RERE: variants seen among roughly 807,000 people sequenced by gnomAD.
RERE encodes the protein arginine-glutamic acid dipeptide repeats protein.
RERE carries 40 observed loss-of-function variants against 146.1 expected under a neutral mutation model. The observed-to-expected ratio is 0.27, with a 90% CI of 0.21 to 0.36. The LOEUF is 0.36. RERE is among the 10% of genes least tolerant of loss of function. RERE has a pLI of 1.00. For missense variants in RERE, 1,933 were observed against 2,138.7 expected (o/e 0.90, Z 1.90); for synonymous variants, 1,003 against 866.0 (o/e 1.16, Z -2.78).
chr1:8,678,062 A>G (rs1191299224), intron 1 of RERE, among the ~76,000 whole-genome samples: 1 of 152,208 alleles, frequency 6.6e-6, no homozygotes, highest in Non-Finnish European at 1.5e-5. Context: ...GCCCTCCGGA[A>G]GCCTGGTTTC....
At chr1:8,683,031 C>CAAAAAAAAAAAAAAAAAA (rs71580039) in intron 1 of RERE, among the ~76,000 whole-genome samples, 1 of 65,726 alleles carries the variant, frequency 1.5e-5, no homozygotes, top group Non-Finnish European at 2.6e-5. Flanking sequence ...CTGTCTTTAC[C>CAAAAAAAAAAAAAAAAAA]AAAAAAAAAA....
In RERE at chr1:8,634,645, C is replaced by T. The variant is rs564682944; in HGVS notation, c.326-10265G>A. Among the ~76,000 whole-genome samples, 24 of 152,320 alleles carry T rather than the reference C, an allele frequency of 1.6e-4. No homozygotes were observed. The South Asian group carries it at 3.7e-3, about 24-fold the overall frequency. On this transcript the variant is annotated intron_variant, in intron 2 of 22. Coordinates refer to ENST00000400908, the MANE Select transcript of RERE (RefSeq NM_001042681.2). The stretch of plus-strand genomic sequence containing the variant: ...CTACCCATACCTACTCCTTCTCTCC[C>T]TTAAATCGTTGTTGTTTTCATTCGG...
intron 3 of RERE, among the ~76,000 whole-genome samples, chr1:8,622,534 A>G (rs1281561362): frequency 6.6e-6 from 1 of 151,532 alleles, no homozygotes; most frequent in African/African-American, 2.4e-5. Flanking sequence ...GGAAAGATAT[A>G]ATAAGTAGCA....
Position 8,358,872 on chromosome 1 carries a change from CTGTGGGTCACTGAGG to C in RERE, c.3648_3662del (p.Asp1219_Ser1223del). On this transcript the variant is annotated inframe_deletion, in exon 20 of 23. Coordinates refer to ENST00000400908, the MANE Select transcript of RERE (RefSeq NM_001042681.2). ...GCCGCATGTGGCCAGGACCACTGAG[CTGTGGGTCACTGAGG>C]CGACCTTCATGCGCTGAGCTGGACG... 1.3e-6 allele frequency: 2 copies of C among 1,573,886 alleles called. No individual in the cohort carries two copies. Among genetic ancestry groups the C allele is most frequent in the Non-Finnish European group, 1.7e-6 (2 of 1,158,390 alleles).
rs2124614863 is a variant in RERE, at chr1:8,817,207, G to C, written c.-192C>G. The stretch of plus-strand genomic sequence containing the variant: ...TCAATAGTGAGGTGTTCGCGGCCCA[G>C]CTCCGGGGAAAGTGGCGGGGATGGG... On this transcript the variant is annotated 5_prime_UTR_variant, in exon 1 of 23. Coordinates refer to ENST00000400908, the MANE Select transcript of RERE (RefSeq NM_001042681.2). 1 of 152,468 alleles carries C rather than the reference G, an allele frequency of 6.6e-6. No individual in the cohort carries two copies. Among genetic ancestry groups the C allele is most frequent in the Admixed American group, 6.5e-5 (1 of 15,290 alleles). The allele number at this position is 152,468 out of a possible 1,614,324, so 9.4% of individuals were successfully genotyped here. A position where few individuals can be genotyped will look rare whatever the true frequency, so the allele number is the denominator to read the frequency against.
chr1:8,693,411 A>G (rs1284317677), intron 1 of RERE, among the ~76,000 whole-genome samples: 1 of 152,254 alleles, frequency 6.6e-6, no homozygotes, highest in Admixed American at 6.5e-5. Flanking sequence ...ATTATCAGTG[A>G]TAAAAAGTAG....
chr1:8,743,803 G>A (rs1358096126), intron 1 of RERE, among the ~76,000 whole-genome samples: 1 of 151,926 alleles, frequency 6.6e-6, no homozygotes, highest in African/African-American at 2.4e-5. Flanking sequence ...GGCCCACCAT[G>A]ACCACTTACT....
chr1:8,453,651 C>G (rs1330594423), intron 11 of RERE, among the ~76,000 whole-genome samples: 1 of 152,050 alleles, frequency 6.6e-6, no homozygotes, highest in Non-Finnish European at 1.5e-5. Context: ...ACTAAAAATA[C>G]AAAAATTAGC....
intron 12 of RERE, among the ~76,000 whole-genome samples, chr1:8,400,837 CAAAAA>C (rs147651647): frequency 2.4e-4 from 14 of 58,638 alleles, no homozygotes; most frequent in African/African-American, 6.9e-4. Flanking sequence ...AACACCATCT[CAAAAA>C]AAAAAAAAAA....
At chr1:8,511,081 C>T (rs190597924) in intron 7 of RERE, among the ~76,000 whole-genome samples, 1 of 152,116 alleles carries the variant, frequency 6.6e-6, no homozygotes, top group East Asian at 1.9e-4. Context: ...TTTAATAAGC[C>T]AATTTATCAT....
In RERE at chr1:8,366,327, G is replaced by A. The variant is rs555647205; in HGVS notation, c.1285-353C>T. The stretch of plus-strand genomic sequence containing the variant: ...AAAAGGAGAGAAGATTCCTGCCCAC[G>A]AGGAGCTTACATTCTAGCTGTGTGT... On this transcript the variant is annotated intron_variant, in intron 12 of 22. Coordinates refer to ENST00000400908, the MANE Select transcript of RERE (RefSeq NM_001042681.2). Among the ~76,000 whole-genome samples the A allele has an allele frequency of 6.6e-4, 100 of 152,368 alleles. 1 individual carries two copies. The South Asian group carries it at 0.019, about 29-fold the overall frequency.
chr1:8,468,900 TA>T lies in RERE; in HGVS notation c.1105-2878del, dbSNP rs528265802. Among the ~76,000 whole-genome samples, 557 of 125,328 alleles carry T rather than the reference TA, an allele frequency of 4.4e-3. 2 individuals are homozygous for T. Among genetic ancestry groups the T allele is most frequent in the African/African-American group, 0.012 (437 of 34,980 alleles). 82.2% of individuals were successfully genotyped at this position (125,328 alleles called of 152,430 possible). ...TGACAGAGTGAAACCCTGCCTCCAA[TA>T]AAAAAAAAAAGAAAGAAAGAAAAAA... On this transcript the variant is annotated intron_variant, in intron 10 of 22. Transcript: ENST00000400908.
chr1:8,582,375 C>T (rs1464628230), intron 4 of RERE, among the ~76,000 whole-genome samples: 10 of 136,554 alleles, frequency 7.3e-5, no homozygotes, highest in South Asian at 2.4e-4. Context: ...ACTGTGCCTG[C>T]TTTTTTTTTT....
rs1641154340 is a variant in RERE, at chr1:8,352,977, C to T, written c.*2110G>A. 1 of 152,420 alleles carries T rather than the reference C, an allele frequency of 6.6e-6. No homozygotes were observed. Among genetic ancestry groups the T allele is most frequent in the Non-Finnish European group, 1.5e-5 (1 of 68,042 alleles). The allele number at this position is 152,420 out of a possible 1,614,324, so 9.4% of individuals were successfully genotyped here. ...ACTGAATGGTAGATGTTGTGTTCTA[C>T]CAAAAAGAAAGAAAAACCAGAAGCC... On this transcript the variant is annotated 3_prime_UTR_variant, in exon 23 of 23. Transcript: ENST00000400908.
At chr1:8,512,012 C>CTTTTTTTTTTTT (rs1557666425) in intron 7 of RERE, 1 of 57,336 alleles carries the variant, frequency 1.7e-5, no homozygotes, top group Non-Finnish European at 3.8e-5. Flanking sequence ...GTAGGAAACA[C>CTTTTTTTTTTTT]TCTTTTTTTT....
chr1:8,769,286 T>C (rs537723961), intron 1 of RERE, among the ~76,000 whole-genome samples: 11 of 152,188 alleles, frequency 7.2e-5, no homozygotes, highest in South Asian at 2.1e-4. Context: ...CAATCATATA[T>C]AGAAGATTTA....
At chr1:8,384,312 G>A (rs1281420995) in intron 12 of RERE, among the ~76,000 whole-genome samples, 2 of 152,158 alleles carry the variant, frequency 1.3e-5, no homozygotes, top group Admixed American at 6.5e-5. Flanking sequence ...TTTCTTGTGG[G>A]ATACAATGTC....
chr1:8,767,826 C>A (rs1211605368), intron 1 of RERE, among the ~76,000 whole-genome samples: 1 of 151,492 alleles, frequency 6.6e-6, no homozygotes, highest in Non-Finnish European at 1.5e-5. Context: ...ATTAGCCAGG[C>A]ATGGTGGTGC....
chr1:8,742,148 T>C (rs1034707009), intron 1 of RERE, among the ~76,000 whole-genome samples: 2 of 152,228 alleles, frequency 1.3e-5, no homozygotes, highest in Non-Finnish European at 2.9e-5. Context: ...TATTACAACA[T>C]GACATTCCAT....
Sources: gnomAD v4.1 joint callset for allele counts (sites outside exome capture counted in the v4.1 genomes callset) on GRCh38, gnomAD v4.1.1 for gene constraint, MANE v1.5 for transcripts, NCBI Gene and HGNC (gene_info 2026-07-23, HGNC 2026-07-21) for gene names.